Variants in ROCK1 observed in about 807,000 individuals in gnomAD.
ROCK1 encodes the protein rho-associated protein kinase 1.
In ROCK1, 36 loss-of-function variants were observed where a neutral mutation model predicts 196.8. That is an observed-to-expected ratio of 0.18 (90% confidence interval 0.14 to 0.24). The LOEUF (loss-of-function observed/expected upper bound fraction) is 0.24. Ranked by LOEUF, ROCK1 falls within the 10% of genes least tolerant of loss-of-function variation. The pLI is 1.00. For missense variants in ROCK1, 920 were observed against 1,562.0 expected, an observed-to-expected ratio of 0.59 and a Z score of 6.93; for synonymous variants, 443 against 515.9, an observed-to-expected ratio of 0.86 and a Z score of 1.91.
intron 2 of ROCK1, among the ~76,000 whole-genome samples, chr18:21,060,089 G>A (rs1246932090): frequency 1.3e-5 from 2 of 152,190 alleles, no homozygotes; most frequent in Non-Finnish European, 2.9e-5. Flanking sequence ...ACGAAGTGAT[G>A]AAAATGTTGT....
chr18:21,018,775 C>A (rs375317719), intron 12 of ROCK1, among the ~76,000 whole-genome samples: 1 of 152,114 alleles, frequency 6.6e-6, no homozygotes, highest in Non-Finnish European at 1.5e-5. Context: ...AAACCCCCCA[C>A]CTGCTCTGTC....
chr18:21,027,208 C>T (rs1249352707), intron 10 of ROCK1, among the ~76,000 whole-genome samples: 4 of 152,126 alleles, frequency 2.6e-5, no homozygotes, highest in East Asian at 1.9e-4. Flanking sequence ...CAAACTGCTG[C>T]GATTACAGGC....
intron 1 of ROCK1, among the ~76,000 whole-genome samples, chr18:21,090,984 G>GT (rs1463768939): frequency 6.6e-6 from 1 of 151,726 alleles, no homozygotes; most frequent in East Asian, 1.9e-4. Flanking sequence ...GAAAATATCT[G>GT]TTTTTCTGTA....
intron 27 of ROCK1, among the ~76,000 whole-genome samples, chr18:20,965,388 CATACATACATACATAT>C (rs1313094006): frequency 2.9e-5 from 4 of 137,694 alleles, no homozygotes; most frequent in Non-Finnish European, 4.7e-5. Flanking sequence ...CTGTTTCATA[CATACATACATACATAT>C]ATACATACAT....
At chr18:20,971,500 A>C (rs1429658354) in intron 22 of ROCK1, among the ~76,000 whole-genome samples, 1 of 151,846 alleles carries the variant, frequency 6.6e-6, no homozygotes, top group Non-Finnish European at 1.5e-5. Context: ...GCCCTTTGGG[A>C]GGCTGAGGCG....
chr18:21,087,855 A>C (rs1327725077), intron 1 of ROCK1, among the ~76,000 whole-genome samples: 1 of 152,256 alleles, frequency 6.6e-6, no homozygotes, highest in Non-Finnish European at 1.5e-5. Flanking sequence ...ATAGCAGAAT[A>C]CACATCCTTT....
intron 4 of ROCK1, among the ~76,000 whole-genome samples, chr18:21,048,194 C>T (rs1044699194): frequency 2.6e-5 from 4 of 152,174 alleles, no homozygotes; most frequent in African/African-American, 9.7e-5. Flanking sequence ...GCCACAGCTT[C>T]AGAGAAAGGC....
intron 29 of ROCK1, 147 bp from the exon 30 acceptor site, chr18:20,955,392 A>G (rs1353074148): frequency 3.1e-5 from 30 of 982,326 alleles, no homozygotes; most frequent in Admixed American, 2.0e-4. Context: ...TAAAACCACA[A>G]TAAGTGTCAC....
chr18:20,959,156 A>C (rs1352834288), intron 29 of ROCK1, among the ~76,000 whole-genome samples: 2 of 69,210 alleles, frequency 2.9e-5, no homozygotes, highest in East Asian at 8.6e-4. Flanking sequence ...AAATATATAT[A>C]TTATATATTA....
chr18:20,987,532 T>A (rs1568376311), intron 18 of ROCK1, among the ~76,000 whole-genome samples: 5 of 152,224 alleles, frequency 3.3e-5, no homozygotes, highest in Admixed American at 1.3e-4. Flanking sequence ...AAGGCTATGG[T>A]AGGAACTCCA....
Position 20,968,863 on chromosome 18 carries a change from G to A in ROCK1, c.2915-3C>T. On this transcript the variant is annotated splice_polypyrimidine_tract_variant and splice_region_variant and intron_variant, in intron 24 of 32. Transcript: ENST00000399799. The stretch of plus-strand genomic sequence containing the variant: ...CTCCTCCTTCTCCAGTTTATATTCT[G>A]TCAACAAATTATATTAAATGTTATT... The A allele has an allele frequency of 6.4e-7, 1 of 1,551,982 alleles. No individual in the cohort carries two copies. The highest frequency in any genetic ancestry group is 8.9e-7 in the Non-Finnish European group (1 of 1,124,628).
intron 29 of ROCK1, among the ~76,000 whole-genome samples, chr18:20,959,084 AT>A (rs1218846665): frequency 1.1e-4 from 4 of 36,472 alleles, no homozygotes; most frequent in African/African-American, 7.0e-4. Flanking sequence ...TAATATATAT[AT>A]TTTATATAAT....
chr18:20,947,275 GCTAA>G lies in ROCK1; in HGVS notation c.*4105_*4108del, dbSNP rs1346228423. ...TGGAGATAATCCATTAGAAAACACA[GCTAA>G]CTGTTAATAACAGTTATGAAGGAAT... is the stretch of plus-strand genomic sequence containing the variant. On this transcript the variant is annotated 3_prime_UTR_variant, in exon 33 of 33. Transcript: ENST00000399799. 6.6e-6 allele frequency: 1 copy of G among 151,798 alleles called. No homozygotes were observed. Among genetic ancestry groups the G allele is most frequent in the Non-Finnish European group, 1.5e-5 (1 of 67,966 alleles). 9.4% of individuals were successfully genotyped at this position (151,798 alleles called of 1,614,324 possible). A position where few individuals can be genotyped will look rare whatever the true frequency, so the allele number is the denominator to read the frequency against.
chr18:21,103,514 C>T (rs1356794324), intron 1 of ROCK1, among the ~76,000 whole-genome samples: 2 of 151,572 alleles, frequency 1.3e-5, no homozygotes, highest in Non-Finnish European at 2.9e-5. Flanking sequence ...GCTAGAGTGC[C>T]GTGGCACCAA....
chr18:20,981,986 C>A (rs2035537432), intron 21 of ROCK1, among the ~76,000 whole-genome samples: 1 of 152,082 alleles, frequency 6.6e-6, no homozygotes, highest in Non-Finnish European at 1.5e-5. Flanking sequence ...CTATTTAATC[C>A]AATGCCCACA....
chr18:20,988,859 G>A (rs372869014), intron 18 of ROCK1, among the ~76,000 whole-genome samples: 43 of 151,450 alleles, frequency 2.8e-4, no homozygotes, highest in East Asian at 1.2e-3. Flanking sequence ...TGTAATCTCC[G>A]GGCTTCCTGT....
At chr18:20,959,478 C>G (rs887140457) in intron 29 of ROCK1, among the ~76,000 whole-genome samples, 1 of 151,276 alleles carries the variant, frequency 6.6e-6, no homozygotes, top group Non-Finnish European at 1.5e-5. Context: ...TCCCAAAGTG[C>G]TGGGGTTACA....
At chr18:21,001,773 A>T (rs1435017603) in intron 16 of ROCK1, among the ~76,000 whole-genome samples, 1 of 152,042 alleles carries the variant, frequency 6.6e-6, no homozygotes, top group Non-Finnish European at 1.5e-5. Flanking sequence ...TCAAAAAAAA[A>T]AAAAGAAAAG....
At chr18:21,038,154 CAAA>C (rs1055906727) in intron 9 of ROCK1, among the ~76,000 whole-genome samples, 1 of 152,086 alleles carries the variant, frequency 6.6e-6, no homozygotes, top group African/African-American at 2.4e-5. Flanking sequence ...AATAAAAACA[CAAA>C]AAGTGTTTTG....
Sources: gnomAD v4.1 joint callset for allele counts (sites outside exome capture counted in the v4.1 genomes callset) on GRCh38, gnomAD v4.1.1 for gene constraint, MANE v1.5 for transcripts, NCBI Gene and HGNC (gene_info 2026-07-23, HGNC 2026-07-21) for gene names.